THEMIS: variants seen among roughly 807,000 people sequenced by gnomAD.
The protein encoded by THEMIS is protein THEMIS.
In THEMIS, 37 loss-of-function variants were observed where a neutral mutation model predicts 52.6. That is an observed-to-expected ratio of 0.70 (90% CI 0.54 to 0.93). The LOEUF (loss-of-function observed/expected upper bound fraction) is 0.93, where lower values mean the gene tolerates loss of function less well. Among genes scored for constraint, THEMIS ranks in the 40% least tolerant of loss-of-function variants. The probability of loss-of-function intolerance (pLI) is 0.00; values close to 1 mark genes in which losing one functional copy is unlikely to be tolerated. For synonymous variants in THEMIS, 292 were observed against 272.7 expected (o/e 1.07, Z -0.70); for missense variants, 808 against 763.1 (o/e 1.06, Z -0.69).
At chr6:127,854,911 TC>T (rs952770010) in intron 2 of THEMIS, 118 bp downstream of exon 2, 30 of 806,254 alleles carry the variant, frequency 3.7e-5, no homozygotes, top group South Asian at 4.2e-5. Context: ...TTCCGGATTT[TC>T]CCCCCCATTA....
chr6:127,870,836 T>C (rs1026301222), intron 1 of THEMIS, among the ~76,000 whole-genome samples: 3 of 152,126 alleles, frequency 2.0e-5, no homozygotes, highest in African/African-American at 7.2e-5. Flanking sequence ...CTGAGAAATA[T>C]GTAAAGCAGA....
At chr6:127,832,853 G>A (rs975486857) in intron 2 of THEMIS, among the ~76,000 whole-genome samples, 2 of 125,366 alleles carry the variant, frequency 1.6e-5, no homozygotes, top group African/African-American at 6.2e-5. Flanking sequence ...GTACAATTTC[G>A]GCTCACTGCA....
At position 127,882,013 on chromosome 6, in the gene THEMIS, A is replaced by T. The variant is rs1168670423; in HGVS notation, c.91+18829T>A. On this transcript the variant is annotated intron_variant, in intron 1 of 5. Transcript: ENST00000368248. ...CTTATACAGCAAAAAAAAAAAAAAA[A>T]TGGTCTCCAAGTTTTTAAAGAAAAA... is the stretch of plus-strand genomic sequence containing the variant. Among the ~76,000 whole-genome samples, 6 of 145,392 alleles carry T rather than the reference A, an allele frequency of 4.1e-5. No homozygotes were observed. In the East Asian group the frequency reaches 1.2e-3, roughly 30 times the overall value.
At chr6:127,837,661 A>T (rs1778916473) in intron 2 of THEMIS, among the ~76,000 whole-genome samples, 1 of 151,962 alleles carries the variant, frequency 6.6e-6, no homozygotes, top group African/African-American at 2.4e-5. Flanking sequence ...AAAAAATTTT[A>T]ACAAATTTAA....
rs539339439 is a variant in THEMIS, at chr6:127,784,423, T to A, written c.1758+28460A>T. Among the ~76,000 whole-genome samples the A allele has an allele frequency of 5.8e-4, 88 of 152,202 alleles. 2 individuals carry two copies. Among genetic ancestry groups the A allele is most frequent in the Non-Finnish European group, 1.9e-4 (13 of 67,992 alleles). ...CCCTTTTTTCCAGCAAAGTCCAGAC[T>A]CTCATTTAGGCTATATCCCTCTTGC... On this transcript the variant is annotated intron_variant, in intron 4 of 5. Transcript: ENST00000368248.
At chr6:127,877,803 G>T (rs1259140026) in intron 1 of THEMIS, among the ~76,000 whole-genome samples, 1 of 152,108 alleles carries the variant, frequency 6.6e-6, no homozygotes, top group Non-Finnish European at 1.5e-5. Context: ...GGAAAATGGT[G>T]CCAATAGAAT....
intron 1 of THEMIS, among the ~76,000 whole-genome samples, chr6:127,884,731 G>T (rs1205092579): frequency 1.3e-5 from 2 of 152,104 alleles, no homozygotes. Flanking sequence ...CATAGACTGG[G>T]TAGTTTAAAT....
intron 3 of THEMIS, among the ~76,000 whole-genome samples, chr6:127,827,529 C>T (rs574790237): frequency 6.6e-6 from 1 of 152,300 alleles, no homozygotes; most frequent in South Asian, 2.1e-4. Context: ...GCTTTCTTCT[C>T]GGTCTTGGTT....
At chr6:127,895,919 C>G (rs772271588) in intron 1 of THEMIS, among the ~76,000 whole-genome samples, 6 of 150,942 alleles carry the variant, frequency 4.0e-5, no homozygotes, top group Non-Finnish European at 8.9e-5. Context: ...AAAATAAAAA[C>G]TATAAGCCAA....
chr6:127,760,932 A>G (rs1776001006), intron 4 of THEMIS, among the ~76,000 whole-genome samples: 1 of 152,182 alleles, frequency 6.6e-6, no homozygotes, highest in South Asian at 2.1e-4. Flanking sequence ...AGTCAGCAAA[A>G]ACAAAAATAA....
At chr6:127,704,966 G>C (rs1044954727), downstream of THEMIS, among the ~76,000 whole-genome samples, 1 of 152,222 alleles carries the variant, frequency 6.6e-6, no homozygotes, top group Non-Finnish European at 1.5e-5. Flanking sequence ...GAGTGGGTCT[G>C]AAAGACAATG....
At chr6:127,756,438 T>C (rs1451267485) in intron 4 of THEMIS, among the ~76,000 whole-genome samples, 1 of 152,180 alleles carries the variant, frequency 6.6e-6, no homozygotes. Flanking sequence ...TAAACGCTAC[T>C]TTTGATAGGA....
chr6:127,797,345 A>G (rs1302060896), intron 4 of THEMIS, among the ~76,000 whole-genome samples: 1 of 152,190 alleles, frequency 6.6e-6, no homozygotes, highest in African/African-American at 2.4e-5. Flanking sequence ...GACTAAGGCT[A>G]AGAATGTACC....
At chr6:127,703,282 C>T (rs1173737664), downstream of THEMIS, among the ~76,000 whole-genome samples, 2 of 151,890 alleles carry the variant, frequency 1.3e-5, no homozygotes, top group Non-Finnish European at 2.9e-5. Context: ...CTCCTGACCT[C>T]GTGATCCGCC....
chr6:127,744,484 T>A (rs77189018), intron 4 of THEMIS, among the ~76,000 whole-genome samples: 2,629 of 152,052 alleles, frequency 0.017, 80 homozygotes, highest in African/African-American at 0.06. Context: ...TACAATGAAA[T>A]ATTATTCAGC....
At chr6:127,834,929 A>G (rs2114677034) in intron 2 of THEMIS, among the ~76,000 whole-genome samples, 1 of 152,326 alleles carries the variant, frequency 6.6e-6, no homozygotes, top group East Asian at 1.9e-4. Flanking sequence ...CGCACGTCAT[A>G]CATACACTTG....
chr6:127,816,149 T>A (rs1778125623), intron 3 of THEMIS, among the ~76,000 whole-genome samples: 1 of 152,144 alleles, frequency 6.6e-6, no homozygotes, highest in Non-Finnish European at 1.5e-5. Context: ...CTTTGATACA[T>A]TTTTCTCACT....
intron 4 of THEMIS, among the ~76,000 whole-genome samples, chr6:127,794,742 C>T (rs1562262032): frequency 6.6e-6 from 1 of 152,150 alleles, no homozygotes; most frequent in Non-Finnish European, 1.5e-5. Flanking sequence ...TAAGGTACAC[C>T]TTGATATTCT....
chr6:127,762,439 C>G (rs1343243535), intron 4 of THEMIS, among the ~76,000 whole-genome samples: 1 of 152,068 alleles, frequency 6.6e-6, no homozygotes, highest in Non-Finnish European at 1.5e-5. Context: ...AATGAATCCT[C>G]TGTTGGCATC....
Sources: allele counts gnomAD v4.1 joint callset (sites outside exome capture counted in the v4.1 genomes callset), GRCh38; gene constraint gnomAD v4.1.1; transcripts MANE v1.5; gene names NCBI Gene and HGNC (gene_info 2026-07-23, HGNC 2026-07-21).